Variants in MGMT observed in about 807,000 individuals in gnomAD.
MGMT encodes the protein O-6-methylguanine-DNA methyltransferase, also known as methylated-DNA--protein-cysteine methyltransferase.
Under a neutral mutation model 15.9 loss-of-function variants are expected in MGMT, and 14 were observed. The observed-to-expected ratio is 0.88, with a 90% confidence interval of 0.58 to 1.37. The LOEUF (loss-of-function observed/expected upper bound fraction) is 1.37. MGMT is among the 40% of genes most tolerant of loss of function. MGMT has a pLI of 0.00. For synonymous variants in MGMT, 130 were observed against 118.2 expected (o/e 1.10, Z -0.65); for missense variants, 282 against 268.1 (o/e 1.05, Z -0.36).
At chr10:129,763,973 C>T (rs1241236863) in intron 4 of MGMT, among the ~76,000 whole-genome samples, 4 of 152,210 alleles carry the variant, frequency 2.6e-5, no homozygotes, top group East Asian at 1.9e-4. Flanking sequence ...CATTGGTGCA[C>T]GTTACCAAAC....
intron 2 of MGMT, among the ~76,000 whole-genome samples, chr10:129,608,367 G>C (rs904562505): frequency 2.0e-5 from 3 of 152,232 alleles, no homozygotes; most frequent in Non-Finnish European, 4.4e-5. Flanking sequence ...CCGGGTTTGC[G>C]CCGCAGCTGC....
At chr10:129,586,568 T>C (rs1213194704) in intron 2 of MGMT, among the ~76,000 whole-genome samples, 1 of 152,232 alleles carries the variant, frequency 6.6e-6, no homozygotes, top group Non-Finnish European at 1.5e-5. Context: ...GTGTCAGCGG[T>C]TGATTACTCT....
chr10:129,609,663 C>T (rs1461511651), intron 2 of MGMT, among the ~76,000 whole-genome samples: 3 of 152,180 alleles, frequency 2.0e-5, no homozygotes, highest in Non-Finnish European at 2.9e-5. Flanking sequence ...TACTTCCATT[C>T]GGGAGCAGGA....
rs187500980 is a variant in MGMT at position 129,665,408 on chromosome 10, A to G, written c.126-42487A>G. ...AGAACTGAGTAAGTAGATAAGCTGT[A>G]GTTCATCCCTACCATGCAGTTCAGA... On this transcript the variant is annotated intron_variant, in intron 2 of 4. Coordinates refer to ENST00000651593, the MANE Select transcript of MGMT (RefSeq NM_002412.5). Among the ~76,000 whole-genome samples the G allele has an allele frequency of 2.6e-5, 4 of 151,898 alleles. No individual in the cohort carries two copies. In the East Asian group the frequency reaches 7.7e-4, roughly 29 times the overall value.
intron 1 of MGMT, among the ~76,000 whole-genome samples, chr10:129,490,862 TGATTAGCCTAGA>T (rs973919357): frequency 6.6e-6 from 1 of 152,218 alleles, no homozygotes; most frequent in Admixed American, 6.5e-5. Flanking sequence ...TTTCATTTAG[TGATTAGCCTAGA>T]GATTATAATA....
chr10:129,610,360 T>C (rs1846944902), intron 2 of MGMT, among the ~76,000 whole-genome samples: 1 of 152,206 alleles, frequency 6.6e-6, no homozygotes. Flanking sequence ...CTCCTCCAGT[T>C]TGCCAAACCA....
chr10:129,691,703 G>A (rs557319669), intron 2 of MGMT, among the ~76,000 whole-genome samples: 8 of 152,222 alleles, frequency 5.3e-5, no homozygotes, highest in East Asian at 1.9e-4. Flanking sequence ...ACACTGGAGC[G>A]AAGGTGCACC....
chr10:129,486,546 G>A (rs1019848303), intron 1 of MGMT, among the ~76,000 whole-genome samples: 2 of 152,046 alleles, frequency 1.3e-5, no homozygotes, highest in African/African-American at 4.8e-5. Flanking sequence ...GTCTTTCCCT[G>A]TACTGTTTGA....
At chr10:129,472,139 G>GA (rs1845239065) in intron 1 of MGMT, among the ~76,000 whole-genome samples, 1 of 152,146 alleles carries the variant, frequency 6.6e-6, no homozygotes, top group Admixed American at 6.5e-5. Context: ...GGTCTCAGGT[G>GA]AGGGTGCACT....
At chr10:129,683,150 A>G (rs1013929561) in intron 2 of MGMT, among the ~76,000 whole-genome samples, 1 of 152,224 alleles carries the variant, frequency 6.6e-6, no homozygotes, top group Non-Finnish European at 1.5e-5. Context: ...CGCCCAGCCC[A>G]TACCCATTTT....
At chr10:129,701,594 C>G (rs1045565905) in intron 2 of MGMT, 3 of 152,144 alleles carry the variant, frequency 2.0e-5, no homozygotes, top group Admixed American at 2.0e-4. Context: ...GCTGGCTGGT[C>G]AAGTTTTAGA....
At chr10:129,635,560 C>G (rs1229298348) in intron 2 of MGMT, among the ~76,000 whole-genome samples, 1 of 152,092 alleles carries the variant, frequency 6.6e-6, no homozygotes, top group African/African-American at 2.4e-5. Flanking sequence ...AATCTTGTCT[C>G]TTACTTATTT....
intron 2 of MGMT, among the ~76,000 whole-genome samples, chr10:129,577,840 GA>G (rs1846503631): frequency 6.6e-6 from 1 of 151,784 alleles, no homozygotes; most frequent in Non-Finnish European, 1.5e-5. Context: ...AAATTTACAA[GA>G]AAAAAACAAC....
chr10:129,535,941 C>T (rs1845978940), intron 1 of MGMT, among the ~76,000 whole-genome samples: 1 of 152,216 alleles, frequency 6.6e-6, no homozygotes, highest in Admixed American at 6.5e-5. Context: ...AAAAGGAGCT[C>T]TTACCAGGTC....
chr10:129,475,483 G>A (rs1381192484), intron 1 of MGMT, among the ~76,000 whole-genome samples: 1 of 152,214 alleles, frequency 6.6e-6, no homozygotes, highest in African/African-American at 2.4e-5. Flanking sequence ...CGAAGAAAAG[G>A]AATGATATAT....
chr10:129,707,196 G>C (rs1444264753), intron 2 of MGMT, among the ~76,000 whole-genome samples: 4 of 152,122 alleles, frequency 2.6e-5, no homozygotes, highest in Non-Finnish European at 5.9e-5. Flanking sequence ...AGAATCACTT[G>C]AACCCGGGAT....
At chr10:129,592,031 C>T (rs540552348) in intron 2 of MGMT, among the ~76,000 whole-genome samples, 62 of 152,304 alleles carry the variant, frequency 4.1e-4, no homozygotes, top group African/African-American at 1.4e-3. Context: ...TTAGTAGACA[C>T]GGGGATGAAG....
intron 3 of MGMT, among the ~76,000 whole-genome samples, chr10:129,748,994 A>G (rs1036381928): frequency 7.2e-5 from 11 of 152,124 alleles, no homozygotes; most frequent in African/African-American, 2.4e-4. Flanking sequence ...TACAGACTCC[A>G]CTCACTTTCA....
chr10:129,744,222 A>AG (rs1210437622), intron 3 of MGMT, among the ~76,000 whole-genome samples: 1 of 152,124 alleles, frequency 6.6e-6, no homozygotes, highest in Non-Finnish European at 1.5e-5. Flanking sequence ...GCTCCTGGCA[A>AG]GCCCAGAGAA....
Sources: gnomAD v4.1 joint callset for allele counts (sites outside exome capture counted in the v4.1 genomes callset) on GRCh38, gnomAD v4.1.1 for gene constraint, MANE v1.5 for transcripts, NCBI Gene and HGNC (gene_info 2026-07-23, HGNC 2026-07-21) for gene names.